The following ST6GALNAC3 variants were observed in gnomAD, a reference collection of about 807,000 sequenced individuals.
ST6GALNAC3 encodes alpha-N-acetylgalactosaminide alpha-2,6-sialyltransferase 3.
ST6GALNAC3 carries 25 observed loss-of-function variants against 32.7 expected under a neutral mutation model. That is an observed-to-expected ratio of 0.76 (90% CI 0.56 to 1.07). The LOEUF is 1.07. Among genes scored for constraint, ST6GALNAC3 ranks in the 50% least tolerant of loss-of-function variants. The pLI is 0.00. For missense variants in ST6GALNAC3, 355 were observed against 382.4 expected (o/e 0.93, Z 0.60); for synonymous variants, 129 against 133.1 (o/e 0.97, Z 0.21).
intron 1 of ST6GALNAC3, among the ~76,000 whole-genome samples, chr1:76,295,976 A>T (rs1480197668): frequency 6.6e-6 from 1 of 151,948 alleles, no homozygotes; most frequent in Non-Finnish European, 1.5e-5. Flanking sequence ...TGCACCTCCT[A>T]TTTTTTAAGT....
At chr1:76,325,421 A>G (rs940997064) in intron 2 of ST6GALNAC3, among the ~76,000 whole-genome samples, 5 of 152,128 alleles carry the variant, frequency 3.3e-5, no homozygotes, top group African/African-American at 1.2e-4. Flanking sequence ...CTTACACACT[A>G]TAACAGTTTT....
chr1:76,499,738 A>T (rs1360862367), intron 3 of ST6GALNAC3, among the ~76,000 whole-genome samples: 1 of 152,214 alleles, frequency 6.6e-6, no homozygotes, highest in Admixed American at 6.5e-5. Flanking sequence ...ATGAAGGAGG[A>T]ATGAAAAATT....
chr1:76,099,804 T>G (rs895030635), intron 1 of ST6GALNAC3, among the ~76,000 whole-genome samples: 1 of 152,126 alleles, frequency 6.6e-6, no homozygotes, highest in African/African-American at 2.4e-5. Context: ...CTTTATTAAG[T>G]TTTCTTTTAA....
chr1:76,082,988 G>A (rs182734426), intron 1 of ST6GALNAC3, among the ~76,000 whole-genome samples: 6 of 151,916 alleles, frequency 3.9e-5, no homozygotes, highest in Admixed American at 2.6e-4. Context: ...ACTATCGCAC[G>A]TAAAATCCTT....
At chr1:76,212,417 C>T (rs1039103479) in intron 1 of ST6GALNAC3, among the ~76,000 whole-genome samples, 2 of 152,124 alleles carry the variant, frequency 1.3e-5, no homozygotes, top group African/African-American at 4.8e-5. Context: ...TGCTTGTAGA[C>T]ATCATGTTGA....
chr1:76,121,671 G>C (rs1648882636), intron 1 of ST6GALNAC3, among the ~76,000 whole-genome samples: 1 of 152,030 alleles, frequency 6.6e-6, no homozygotes, highest in South Asian at 2.1e-4. Context: ...AGCCGAGATT[G>C]CGCCACTGTA....
intron 3 of ST6GALNAC3, among the ~76,000 whole-genome samples, chr1:76,482,995 G>A (rs546797763): frequency 2.0e-4 from 30 of 151,164 alleles, no homozygotes; most frequent in South Asian, 1.3e-3. Context: ...TTGTCCTTGC[G>A]ACAGTTTGCT....
intron 1 of ST6GALNAC3, among the ~76,000 whole-genome samples, chr1:76,143,054 G>C (rs1650433347): frequency 6.6e-6 from 1 of 152,186 alleles, no homozygotes; most frequent in African/African-American, 2.4e-5. Flanking sequence ...CAGCAACATA[G>C]TGATTTTTTT....
intron 3 of ST6GALNAC3, among the ~76,000 whole-genome samples, chr1:76,588,621 C>T (rs1229215559): frequency 6.6e-6 from 1 of 152,186 alleles, no homozygotes; most frequent in Non-Finnish European, 1.5e-5. Context: ...CATTTGGGGG[C>T]TCCCTTGACA....
chr1:76,364,331 C>T (rs1650198374), intron 2 of ST6GALNAC3, among the ~76,000 whole-genome samples: 1 of 152,112 alleles, frequency 6.6e-6, no homozygotes, highest in South Asian at 2.1e-4. Flanking sequence ...GGTGGATCAC[C>T]TGAAGTCAGG....
intron 3 of ST6GALNAC3, among the ~76,000 whole-genome samples, chr1:76,538,226 G>A (rs998987025): frequency 4.6e-5 from 7 of 151,932 alleles, no homozygotes; most frequent in Admixed American, 3.9e-4. Flanking sequence ...TACACAAATC[G>A]ATAAACGTAA....
chr1:76,167,815 G>T (rs1005731996), intron 1 of ST6GALNAC3, among the ~76,000 whole-genome samples: 1 of 152,162 alleles, frequency 6.6e-6, no homozygotes, highest in South Asian at 2.1e-4. Flanking sequence ...TTGTATTTCT[G>T]TGGGGTCAGT....
chr1:76,524,785 A>G (rs1453137287), intron 3 of ST6GALNAC3, among the ~76,000 whole-genome samples: 2 of 151,748 alleles, frequency 1.3e-5, no homozygotes, highest in Admixed American at 6.6e-5. Context: ...ATTAAAAACA[A>G]TTTGCATCTA....
chr1:76,126,068 A>AC (rs1195567591), intron 1 of ST6GALNAC3, among the ~76,000 whole-genome samples: 1 of 151,792 alleles, frequency 6.6e-6, no homozygotes, highest in African/African-American at 2.4e-5. Context: ...TAATATAGAG[A>AC]CCCCCCAAGA....
rs528303942 is a variant in ST6GALNAC3, at chr1:76,265,886, C to T, written c.19-47919C>T. Among the ~76,000 whole-genome samples the T allele has an allele frequency of 8.5e-5, 13 of 152,218 alleles. No individual in the cohort carries two copies. In the East Asian group the frequency reaches 2.3e-3, roughly 27 times the overall value. Reference sequence around the variant, plus strand: ...AGCTTCAGATTCTTGTGCTCATTCCCGCTCCCTAAGGATTTTGGTGCATAG... The same window carrying T: ...AGCTTCAGATTCTTGTGCTCATTCCTGCTCCCTAAGGATTTTGGTGCATAG... On this transcript the variant is annotated intron_variant, in intron 1 of 4. Coordinates refer to ENST00000328299, the MANE Select transcript of ST6GALNAC3 (RefSeq NM_152996.4).
At chr1:76,205,119 C>T (rs1570427687) in intron 1 of ST6GALNAC3, among the ~76,000 whole-genome samples, 1 of 152,164 alleles carries the variant, frequency 6.6e-6, no homozygotes, top group Non-Finnish European at 1.5e-5. Context: ...AGGTTTGGTG[C>T]AGTATCAACA....
chr1:76,505,150 G>T (rs1661400581), intron 3 of ST6GALNAC3, among the ~76,000 whole-genome samples: 1 of 150,532 alleles, frequency 6.6e-6, no homozygotes, highest in South Asian at 2.1e-4. Context: ...TTCAGACAGA[G>T]TCTCGCTCTG....
At chr1:76,217,810 C>T (rs1048138547) in intron 1 of ST6GALNAC3, among the ~76,000 whole-genome samples, 1 of 152,204 alleles carries the variant, frequency 6.6e-6, no homozygotes, top group Non-Finnish European at 1.5e-5. Context: ...GAATAGTAGT[C>T]TCCAGTTCTA....
At chr1:76,259,159 A>C (rs556415341) in intron 1 of ST6GALNAC3, among the ~76,000 whole-genome samples, 1 of 152,312 alleles carries the variant, frequency 6.6e-6, no homozygotes, top group Non-Finnish European at 1.5e-5. Flanking sequence ...AGGAGATGAA[A>C]AAATTAAATA....
Sources: gnomAD v4.1 joint callset for allele counts (sites outside exome capture counted in the v4.1 genomes callset) on GRCh38, gnomAD v4.1.1 for gene constraint, MANE v1.5 for transcripts, NCBI Gene and HGNC (gene_info 2026-07-23, HGNC 2026-07-21) for gene names.